KYAT3: variants seen among roughly 807,000 people sequenced by gnomAD.
KYAT3 encodes the protein kynurenine aminotransferase 3.
A neutral mutation model predicts 59.0 loss-of-function variants in KYAT3; 50 were observed. The ratio of observed to expected loss-of-function variants is 0.85; its 90% CI spans 0.68 to 1.07. The LOEUF (loss-of-function observed/expected upper bound fraction) is 1.07, where lower values mean the gene tolerates loss of function less well. Among genes scored for constraint, KYAT3 ranks in the 50% least tolerant of loss-of-function variants. The pLI is 0.00. For missense variants in KYAT3, 497 were observed against 533.3 expected, an observed-to-expected ratio of 0.93 and a Z score of 0.67; for synonymous variants, 148 against 177.0, an observed-to-expected ratio of 0.84 and a Z score of 1.30.
chr1:88,927,940 G>GATGCT, the KYAT3 span, among the ~76,000 whole-genome samples: 101 of 152,250 alleles, frequency 6.6e-4, no homozygotes, highest in African/African-American at 2.3e-3. Context: ...TCAATGATAG[G>GATGCT]ATGACAACAG....
intron 2 of KYAT3, among the ~76,000 whole-genome samples, chr1:88,973,198 A>G (rs1676626539): frequency 6.6e-6 from 1 of 152,210 alleles, no homozygotes; most frequent in African/African-American, 2.4e-5. Context: ...TGGGGTATAG[A>G]ACAATCTTAT....
At chr1:88,983,560 A>G (rs757412925) in intron 2 of KYAT3, 25 of 1,614,082 alleles carry the variant, frequency 1.5e-5, no homozygotes, top group Non-Finnish European at 2.0e-5. Flanking sequence ...TACCTCTTTC[A>G]AATGATGGTT....
chr1:88,923,051 A>G, the KYAT3 span, among the ~76,000 whole-genome samples: 1 of 152,224 alleles, frequency 6.6e-6, no homozygotes, highest in Non-Finnish European at 1.5e-5. Context: ...TTGGTGAAAG[A>G]TTATAAACAG....
rs757682451 is a variant in KYAT3, at chr1:88,961,497, A to C, written c.550T>G (p.Tyr184Asp). ...VFIPLRSKPVYGKRWSSSDWT... is the reference protein window; with the variant it reads ...VFIPLRSKPVDGKRWSSSDWT... ...TCAGAACTAGACCATCTTTTTCCAT[A>C]AACAGGTTTCTAAGCATGAAGAATG... Residue 184 changes from tyrosine (Y) to aspartate (D), a missense_variant, in exon 7 of 14, where the codon TAT becomes GAT. Around this residue, in one of 2 missense-constraint regions of KYAT3, gnomAD observed 469 missense variants for 479.1 expected, o/e 0.98. Coordinates refer to ENST00000260508, the MANE Select transcript of KYAT3 (RefSeq NM_001008661.3). 2 of 1,611,158 alleles carry C rather than the reference A, an allele frequency of 1.2e-6. No homozygotes were observed. Among genetic ancestry groups the C allele is most frequent in the South Asian group, 2.2e-5 (2 of 90,512 alleles).
intron 2 of KYAT3, among the ~76,000 whole-genome samples, chr1:88,970,903 C>A (rs1173103594): frequency 6.6e-6 from 1 of 152,002 alleles, no homozygotes; most frequent in Non-Finnish European, 1.5e-5. Flanking sequence ...ATAATGGGAC[C>A]AAGAAAAATA....
downstream of KYAT3, among the ~76,000 whole-genome samples, chr1:88,934,324 C>T (rs1181436769): frequency 2.0e-5 from 3 of 152,060 alleles, no homozygotes; most frequent in Non-Finnish European, 4.4e-5. Context: ...TGTGGTGGCG[C>T]ACACTTGTAA....
intron 8 of KYAT3, 135 bp from the exon 9 acceptor site, chr1:88,955,360 GTT>G: frequency 2.1e-6 from 1 of 480,012 alleles, no homozygotes; most frequent in Non-Finnish European, 3.6e-6. Flanking sequence ...GTTATTTCTA[GTT>G]TTTTTTTTAG....
intron 2 of KYAT3, chr1:88,983,737 T>A (rs1391014881): frequency 6.2e-7 from 1 of 1,614,078 alleles, no homozygotes; most frequent in South Asian, 1.1e-5. Context: ...TTCGTCCATA[T>A]TTGCCAAATA....
intron 2 of KYAT3, 66 bp from the exon 3 acceptor site, chr1:88,969,533 G>A (rs1441465937): frequency 6.0e-6 from 5 of 839,788 alleles, no homozygotes; most frequent in African/African-American, 3.4e-5. Flanking sequence ...TAAATCATGG[G>A]TCACTCTTCT....
chr1:88,968,821 T>A lies in KYAT3; in HGVS notation c.159-7A>T. On this transcript the variant is annotated splice_region_variant and splice_polypyrimidine_tract_variant and intron_variant, in intron 3 of 13. Coordinates refer to ENST00000260508, the MANE Select transcript of KYAT3 (RefSeq NM_001008661.3). The stretch of plus-strand genomic sequence containing the variant: ...CAATTTGGTAAATTCAATCCTAAGA[T>A]TGAAAAAAATACTAATATTAATAAG... 1 of 1,566,706 alleles carries A rather than the reference T, an allele frequency of 6.4e-7. No homozygotes were observed. Among genetic ancestry groups the A allele is most frequent in the Non-Finnish European group, 8.6e-7 (1 of 1,164,012 alleles).
Position 88,990,086 on chromosome 1 carries a change from C to T in KYAT3, c.-1-1735G>A, listed in dbSNP as rs72963562. 9.7e-3 allele frequency among the ~76,000 whole-genome samples: 1,469 copies of T among 152,062 alleles called. 17 individuals are homozygous for T. The highest frequency in any genetic ancestry group is 0.034 in the African/African-American group (1,415 of 41,480). ...CCTCAGTCCAAGCAGATTGCGCTCT[C>T]TACTTTCCCAAATCTAAAAAATCCT... On this transcript the variant is annotated intron_variant, in intron 1 of 13. Transcript: ENST00000260508.
At chr1:88,946,309 C>G (rs531060196) in intron 11 of KYAT3, among the ~76,000 whole-genome samples, 1 of 142,252 alleles carries the variant, frequency 7.0e-6, no homozygotes, top group East Asian at 2.1e-4. Context: ...CTTTCTTTCC[C>G]TCCTATGTGT....
At position 88,982,877 on chromosome 1, in the gene KYAT3, C is replaced by T. The variant is rs764148399; in HGVS notation, c.99+5375G>A. 3 of 1,613,994 alleles carry T rather than the reference C, an allele frequency of 1.9e-6. No homozygotes were observed. The South Asian group carries it at 3.3e-5, about 18-fold the overall frequency. On this transcript the variant is annotated intron_variant, in intron 2 of 13. Transcript: ENST00000260508. ...GTCTCGACTTCCACCATATCCATCA[C>T]GTGAGCTGCTATAATCATCATAGCG...
intron 1 of KYAT3, among the ~76,000 whole-genome samples, chr1:88,990,908 G>A (rs563340097): frequency 1.3e-5 from 2 of 152,276 alleles, no homozygotes; most frequent in African/African-American, 4.8e-5. Context: ...TCATCGAAAA[G>A]TTGGAGAAAA....
intron 3 of KYAT3, 92 bp downstream of exon 3, chr1:88,969,317 G>T: frequency 2.7e-6 from 2 of 743,520 alleles, no homozygotes; most frequent in Non-Finnish European, 4.8e-6. Context: ...TTTATTTATA[G>T]ACCATGGATG....
At chr1:88,932,423 T>G (rs1018939460), downstream of KYAT3, among the ~76,000 whole-genome samples, 8 of 152,172 alleles carry the variant, frequency 5.3e-5, no homozygotes, top group Non-Finnish European at 1.2e-4. Context: ...GATTAGACTA[T>G]TGATAGATAG....
At chr1:88,980,225 G>A (rs1557703558) in intron 2 of KYAT3, 2 of 152,552 alleles carry the variant, frequency 1.3e-5, no homozygotes, top group African/African-American at 4.8e-5. Context: ...TGTTGATGGT[G>A]ACAGTGGCTT....
intron 2 of KYAT3, chr1:88,979,907 G>C (rs1676994186): frequency 6.6e-6 from 1 of 152,102 alleles, no homozygotes; most frequent in South Asian, 2.1e-4. Flanking sequence ...CCCCAAACTG[G>C]AAACAATCCC....
downstream of KYAT3, among the ~76,000 whole-genome samples, chr1:88,933,373 A>T (rs1466908200): frequency 6.6e-6 from 1 of 152,040 alleles, no homozygotes; most frequent in East Asian, 1.9e-4. Flanking sequence ...GAGGAGAAGA[A>T]GGAAAAAGGG....
Sources: gnomAD v4.1 joint callset for allele counts (sites outside exome capture counted in the v4.1 genomes callset) on GRCh38, gnomAD v4.1.1 for gene constraint, gnomAD v4.1.1 regional missense constraint, MANE v1.5 for transcripts, NCBI Gene and HGNC (gene_info 2026-07-23, HGNC 2026-07-21) for gene names.